LHFPL1: variants seen among roughly 807,000 people sequenced by gnomAD.
The protein encoded by LHFPL1 is LHFPL tetraspan subfamily member 1 protein.
LHFPL1 carries 4 observed loss-of-function variants against 12.1 expected under a neutral mutation model. The observed-to-expected ratio is 0.33, with a 90% CI of 0.16 to 0.76. LHFPL1 has a LOEUF of 0.76. Among genes scored for constraint, LHFPL1 ranks in the 30% least tolerant of loss-of-function variants. The probability of loss-of-function intolerance (pLI) is 0.61; values close to 1 mark genes in which losing one functional copy is unlikely to be tolerated. For missense variants in LHFPL1, 141 were observed against 174.1 expected, an observed-to-expected ratio of 0.81 and a Z score of 1.07; for synonymous variants, 52 against 61.9, an observed-to-expected ratio of 0.84 and a Z score of 0.75.
At chrX:112,648,832 C>T (rs1417504031) in intron 3 of LHFPL1, 2 of 111,271 alleles carry the variant, frequency 1.8e-5, no homozygotes, top group Non-Finnish European at 3.8e-5. Context: ...TAAGTTGAAA[C>T]ATATTATTTT....
At chrX:112,668,852 TG>T (rs1931410688) in intron 2 of LHFPL1, among the ~76,000 whole-genome samples, 1 of 112,153 alleles carries the variant, frequency 8.9e-6, no homozygotes, top group Non-Finnish European at 1.9e-5. Flanking sequence ...GGAAGCAACC[TG>T]GGGGTATGGG....
intron 1 of LHFPL1, among the ~76,000 whole-genome samples, chrX:112,674,594 GA>G (rs1476372147): frequency 1.8e-4 from 18 of 102,087 alleles, no homozygotes; most frequent in East Asian, 6.1e-4. Context: ...AAATCAGTAA[GA>G]AAAAAAAAAT....
chrX:112,670,927 G>A, intron 2 of LHFPL1, 82 bp downstream of exon 2: 1 of 1,032,852 alleles, frequency 9.7e-7, no homozygotes, highest in East Asian at 3.1e-5. Flanking sequence ...GGTGAGAATG[G>A]GTTTCCCCAT....
chrX:112,678,413 A>G (rs1931713223), intron 1 of LHFPL1, among the ~76,000 whole-genome samples: 1 of 111,701 alleles, frequency 9.0e-6, no homozygotes, highest in African/African-American at 3.3e-5. Context: ...TACGAGTTCT[A>G]TCTCACACTC....
At chrX:112,640,632 C>T (rs1007708622) in intron 3 of LHFPL1, among the ~76,000 whole-genome samples, 13 of 111,854 alleles carry the variant, frequency 1.2e-4, no homozygotes, top group Admixed American at 9.5e-5. Context: ...CTTTGTGGAA[C>T]AGGGAGAGAG....
chrX:112,638,365 C>A (rs1419007255), intron 3 of LHFPL1, among the ~76,000 whole-genome samples: 1 of 111,184 alleles, frequency 9.0e-6, no homozygotes, highest in Admixed American at 9.5e-5. Flanking sequence ...CTGGGAGTGA[C>A]CTGGGGGCCT....
At chrX:112,667,834 G>A (rs756218309) in intron 2 of LHFPL1, among the ~76,000 whole-genome samples, 1 of 110,682 alleles carries the variant, frequency 9.0e-6, no homozygotes, top group Non-Finnish European at 1.9e-5. Flanking sequence ...TGGGACCCAT[G>A]GGCCCCATCA....
rs1356810932 is a variant in LHFPL1, at chrX:112,671,416, G to A, written c.-14-12C>T. 47 of 1,211,325 alleles carry A rather than the reference G, an allele frequency of 3.9e-5. No homozygotes were observed. The East Asian group carries it at 1.3e-3, about 34-fold the overall frequency. The stretch of plus-strand genomic sequence containing the variant: ...GGTCACAGGTTTCTCTGCAGGGATG[G>A]GGAGATGAGTTGGATCACAGCACCA... On this transcript the variant is annotated splice_polypyrimidine_tract_variant and intron_variant, in intron 1 of 3. Coordinates refer to ENST00000371968, the MANE Select transcript of LHFPL1 (RefSeq NM_178175.4).
intron 2 of LHFPL1, among the ~76,000 whole-genome samples, chrX:112,664,981 A>G (rs7051759): frequency 0.033 from 3,676 of 111,423 alleles, 157 homozygotes; most frequent in African/African-American, 0.11. Context: ...ATGTGGACGT[A>G]TCTTGTCCTG....
intron 1 of LHFPL1, among the ~76,000 whole-genome samples, chrX:112,678,438 A>T (rs1423083296): frequency 1.8e-5 from 2 of 111,893 alleles, no homozygotes; most frequent in East Asian, 5.6e-4. Context: ...CTGGTTAGAA[A>T]CTACCCCTAT....
chrX:112,633,417 A>G (rs1466263904), intron 3 of LHFPL1, among the ~76,000 whole-genome samples: 2 of 112,463 alleles, frequency 1.8e-5, no homozygotes, highest in East Asian at 5.5e-4. Context: ...TTTGCCTAAA[A>G]CATTCACTGC....
At position 112,670,175 on chromosome X, in the gene LHFPL1, T is replaced by C. The variant is rs138914149; in HGVS notation, c.382+834A>G. ...AACAACAAACTTCAGCAGTAGATTCTACCAGCACTTTTTCCCAGTGCCCAA... is the reference window on the plus strand; with the variant it reads ...AACAACAAACTTCAGCAGTAGATTCCACCAGCACTTTTTCCCAGTGCCCAA... On this transcript the variant is annotated intron_variant, in intron 2 of 3. Coordinates refer to ENST00000371968, the MANE Select transcript of LHFPL1 (RefSeq NM_178175.4). Among the ~76,000 whole-genome samples, 48 of 112,796 alleles carry C rather than the reference T, an allele frequency of 4.3e-4. No individual in the cohort carries two copies. The East Asian group carries it at 0.013, about 31-fold the overall frequency.
At chrX:112,640,239 G>A (rs1465369124) in intron 3 of LHFPL1, among the ~76,000 whole-genome samples, 2 of 111,155 alleles carry the variant, frequency 1.8e-5, no homozygotes, top group Non-Finnish European at 3.8e-5. Flanking sequence ...TGTGACAAGC[G>A]CTCCGATATG....
chrX:112,679,067 A>G (rs1277524440), intron 1 of LHFPL1, among the ~76,000 whole-genome samples: 1 of 111,469 alleles, frequency 9.0e-6, no homozygotes, highest in Non-Finnish European at 1.9e-5. Context: ...TTCTCTCATA[A>G]GTAATGGAAA....
At chrX:112,632,722 T>C (rs1439352840) in intron 3 of LHFPL1, among the ~76,000 whole-genome samples, 1 of 112,118 alleles carries the variant, frequency 8.9e-6, no homozygotes, top group Non-Finnish European at 1.9e-5. Context: ...TACTACCTGG[T>C]GAACCTTAAT....
intron 3 of LHFPL1, among the ~76,000 whole-genome samples, chrX:112,651,955 A>T (rs1367272112): frequency 8.9e-6 from 1 of 112,682 alleles, no homozygotes; most frequent in East Asian, 2.8e-4. Flanking sequence ...TACTCTTCCC[A>T]TTACTCACTC....
intron 3 of LHFPL1, among the ~76,000 whole-genome samples, chrX:112,645,432 G>T (rs1363290459): frequency 8.9e-6 from 1 of 111,750 alleles, no homozygotes; most frequent in Non-Finnish European, 1.9e-5. Flanking sequence ...GGATGATGAT[G>T]ATGATGATGA....
intron 1 of LHFPL1, among the ~76,000 whole-genome samples, chrX:112,677,637 ATCTT>A (rs1396160643): frequency 4.0e-5 from 4 of 100,410 alleles, no homozygotes; most frequent in Non-Finnish European, 7.8e-5. Flanking sequence ...ACCATGCTAG[ATCTT>A]TCTGTTTCAG....
At chrX:112,662,380 T>C (rs1286756331) in intron 2 of LHFPL1, among the ~76,000 whole-genome samples, 1 of 112,006 alleles carries the variant, frequency 8.9e-6, no homozygotes, top group East Asian at 2.8e-4. Context: ...CTTTCCTCAC[T>C]GAGGAAGAGT....
Sources: gnomAD v4.1 joint callset for allele counts (sites outside exome capture counted in the v4.1 genomes callset) on GRCh38, gnomAD v4.1.1 for gene constraint, MANE v1.5 for transcripts, NCBI Gene and HGNC (gene_info 2026-07-23, HGNC 2026-07-21) for gene names.